The following ANO4 variants were observed in gnomAD, a reference collection of about 807,000 sequenced individuals.
ANO4 encodes anoctamin-4.
A neutral mutation model predicts 141.9 loss-of-function variants in ANO4; 69 were observed. That is an observed-to-expected ratio of 0.49 (90% confidence interval 0.40 to 0.59). ANO4 has a LOEUF of 0.59. ANO4 is among the 20% of genes least tolerant of loss of function. The probability of loss-of-function intolerance (pLI) is 0.00; values close to 1 mark genes in which losing one functional copy is unlikely to be tolerated. For synonymous variants in ANO4, 350 were observed against 394.3 expected, an observed-to-expected ratio of 0.89 and a Z score of 1.33; for missense variants, 894 against 1,162.2, an observed-to-expected ratio of 0.77 and a Z score of 3.36.
At chr12:101,011,722 C>T (rs552304802) in intron 8 of ANO4, among the ~76,000 whole-genome samples, 76 of 152,272 alleles carry the variant, frequency 5.0e-4, no homozygotes, top group African/African-American at 1.8e-3. Context: ...CTTCAGGCTC[C>T]TTCACTCCAG....
At chr12:101,098,648 G>C (rs1390473849) in intron 21 of ANO4, among the ~76,000 whole-genome samples, 1 of 152,086 alleles carries the variant, frequency 6.6e-6, no homozygotes, top group Non-Finnish European at 1.5e-5. Context: ...TAGAAATCTT[G>C]TTCCAAGTAT....
At chr12:100,878,401 A>G (rs1444847444) in intron 1 of ANO4, among the ~76,000 whole-genome samples, 1 of 152,202 alleles carries the variant, frequency 6.6e-6, no homozygotes. Context: ...TGCCTTCTCT[A>G]TCCATTTGTC....
intron 9 of ANO4, among the ~76,000 whole-genome samples, chr12:101,026,529 A>G (rs1216980316): frequency 2.0e-5 from 3 of 152,182 alleles, no homozygotes; most frequent in East Asian, 1.9e-4. Context: ...GTGAAAATTG[A>G]CAAATGAATT....
At chr12:100,795,498 G>T (rs899787470) in intron 1 of ANO4, among the ~76,000 whole-genome samples, 3 of 152,156 alleles carry the variant, frequency 2.0e-5, no homozygotes, top group African/African-American at 7.2e-5. Flanking sequence ...TCTGCTGTGG[G>T]CAGCTGTGTT....
chr12:101,099,717 A>C lies in ANO4; in HGVS notation c.2146A>C (p.Met716Leu), dbSNP rs2050120208. 6.4e-7 allele frequency: 1 copy of C among 1,560,558 alleles called. No homozygotes were observed. Among genetic ancestry groups the C allele is most frequent in the Non-Finnish European group, 8.6e-7 (1 of 1,162,780 alleles). Residue 716 changes from methionine (M) to leucine (L), a missense_variant, in exon 22 of 28, where the codon ATG becomes CTG. By Grantham distance (15) the Met-to-Leu change is conservative. Coordinates refer to ENST00000392977, the MANE Select transcript of ANO4 (RefSeq NM_001286615.2). ...TGGACTCTTCGATGAATACTTAGAA[A>C]TGAGTATGGAAATATTCTACTTTAT... ...AYGLFDEYLE[M>L]ILQFGFTTIF...
chr12:101,074,594 A>G (rs1448934265), intron 14 of ANO4, among the ~76,000 whole-genome samples: 1 of 152,220 alleles, frequency 6.6e-6, no homozygotes, highest in Admixed American at 6.5e-5. Context: ...ATCTTAGAGG[A>G]CAGTCAGTAG....
chr12:100,979,383 G>A (rs560180023), intron 7 of ANO4, among the ~76,000 whole-genome samples: 129 of 152,158 alleles, frequency 8.5e-4, no homozygotes, highest in African/African-American at 2.7e-3. Flanking sequence ...GGTGGGGCTC[G>A]ATAATTTGCA....
At chr12:100,868,370 C>T (rs948158202) in intron 1 of ANO4, among the ~76,000 whole-genome samples, 11 of 152,110 alleles carry the variant, frequency 7.2e-5, no homozygotes, top group Non-Finnish European at 1.6e-4. Context: ...AGAATTTTGT[C>T]TCTTCTATAT....
chr12:101,037,986 C>T lies in ANO4; in HGVS notation c.897+836C>T, dbSNP rs1035433916. Among the ~76,000 whole-genome samples, 7 of 151,470 alleles carry T rather than the reference C, an allele frequency of 4.6e-5. No individual in the cohort carries two copies. The East Asian group carries it at 5.8e-4, about 13-fold the overall frequency. On this transcript the variant is annotated intron_variant, in intron 10 of 27. Transcript: ENST00000392977. ...ACTTTGGAAGACGGTTCCAACTCTC[C>T]GTAAATGGCAAGTCTTTCCAAAACA...
At chr12:100,871,677 C>T (rs1178697487) in intron 1 of ANO4, among the ~76,000 whole-genome samples, 2 of 152,200 alleles carry the variant, frequency 1.3e-5, no homozygotes. Flanking sequence ...TATCCAAGCA[C>T]TGACAGATTT....
intron 1 of ANO4, among the ~76,000 whole-genome samples, chr12:100,861,395 T>C (rs1245864529): frequency 6.6e-6 from 1 of 152,188 alleles, no homozygotes; most frequent in African/African-American, 2.4e-5. Context: ...CTGTACTGAA[T>C]AGTGTAGGCA....
upstream of ANO4, among the ~76,000 whole-genome samples, chr12:100,790,379 C>T (rs985396374): frequency 5.9e-5 from 9 of 152,010 alleles, no homozygotes; most frequent in Non-Finnish European, 4.4e-5. Flanking sequence ...AGATTGGAAC[C>T]AAGGAGAGTT....
intron 8 of ANO4, among the ~76,000 whole-genome samples, chr12:100,998,693 TTGTA>T (rs2045503669): frequency 6.6e-6 from 1 of 152,192 alleles, no homozygotes; most frequent in Admixed American, 6.5e-5. Context: ...TCAGCCATGA[TTGTA>T]TGGCCACCTA....
At chr12:101,116,060 G>A (rs566146121) in intron 24 of ANO4, among the ~76,000 whole-genome samples, 14 of 152,196 alleles carry the variant, frequency 9.2e-5, no homozygotes, top group Admixed American at 2.6e-4. Context: ...GGAGTGAGAT[G>A]TTGTGACTGG....
Position 100,789,477 on chromosome 12 carries a change from C to T in ANO4, c.358+49372C>T, listed in dbSNP as rs2033972896. On this transcript the variant is annotated intron_variant, in intron 3 of 29. Coordinates refer to the ANO4 transcript ENST00000644049. ...TATAAAGCAATGATGACAACGGTGACAATAGCTATGCCTACTACCATATGC... is the reference window on the plus strand; with the variant it reads ...TATAAAGCAATGATGACAACGGTGATAATAGCTATGCCTACTACCATATGC... Among the ~76,000 whole-genome samples the T allele has an allele frequency of 3.3e-5, 5 of 152,236 alleles. 1 individual carries two copies. The South Asian group carries it at 1.0e-3, about 31-fold the overall frequency.
At chr12:101,126,102 A>G (rs543849405) in intron 26 of ANO4, among the ~76,000 whole-genome samples, 3 of 152,336 alleles carry the variant, frequency 2.0e-5, no homozygotes, top group South Asian at 4.1e-4. Flanking sequence ...ATTTGAAAAT[A>G]TGAGAACTAT....
At chr12:101,047,658 G>A (rs2047685758) in intron 13 of ANO4, among the ~76,000 whole-genome samples, 1 of 152,140 alleles carries the variant, frequency 6.6e-6, no homozygotes, top group Admixed American at 6.5e-5. Flanking sequence ...ACTAGAGGCA[G>A]GAATGAGCTT....
intron 2 of ANO4, among the ~76,000 whole-genome samples, chr12:100,919,795 A>G (rs2041548418): frequency 6.7e-6 from 1 of 149,856 alleles, no homozygotes; most frequent in South Asian, 2.1e-4. Flanking sequence ...CTATCTGTCT[A>G]TATTCTTGTA....
At chr12:100,733,912 C>A in intron 2 of ANO4, 1 of 670,864 alleles carries the variant, frequency 1.5e-6, no homozygotes, top group Non-Finnish European at 2.7e-6. Flanking sequence ...CCTGGAAAAG[C>A]TGGAGGTCAA....
Sources: gnomAD v4.1 joint callset for allele counts (sites outside exome capture counted in the v4.1 genomes callset) on GRCh38, gnomAD v4.1.1 for gene constraint, MANE v1.5 for transcripts, NCBI Gene and HGNC (gene_info 2026-07-23, HGNC 2026-07-21) for gene names.